Variants in CAMKMT observed in about 807,000 individuals in gnomAD.
CAMKMT encodes the protein calmodulin-lysine N-methyltransferase, also known as CaM KMT.
Under a neutral mutation model 48.0 loss-of-function variants are expected in CAMKMT, and 53 were observed. That is an observed-to-expected ratio of 1.10 (90% CI 0.89 to 1.39). CAMKMT has a LOEUF of 1.39. Among genes scored for constraint, CAMKMT ranks in the 40% most tolerant of loss-of-function variants. CAMKMT has a pLI of 0.00. For missense variants in CAMKMT, 428 were observed against 402.7 expected, an observed-to-expected ratio of 1.06 and a Z score of -0.54; for synonymous variants, 165 against 152.3, an observed-to-expected ratio of 1.08 and a Z score of -0.61.
rs570966406 is a variant in CAMKMT at position 44,451,667 on chromosome 2, C to G, written c.376+61362C>G. Among the ~76,000 whole-genome samples, 3 of 151,930 alleles carry G rather than the reference C, an allele frequency of 2.0e-5. No individual in the cohort carries two copies. The South Asian group carries it at 6.2e-4, about 32-fold the overall frequency. On this transcript the variant is annotated intron_variant, in intron 3 of 10. Transcript: ENST00000378494. The stretch of plus-strand genomic sequence containing the variant: ...ATCCTCTTTTTGCTATTCTTTATTT[C>G]ATTTATTCTTGTGAAATATGTTTAC...
chr2:44,591,323 G>C (rs1394598895), intron 3 of CAMKMT, among the ~76,000 whole-genome samples: 2 of 152,248 alleles, frequency 1.3e-5, no homozygotes, highest in East Asian at 1.9e-4. Context: ...GGTTGGCATT[G>C]AATCTATAAA....
intron 3 of CAMKMT, among the ~76,000 whole-genome samples, chr2:44,447,776 G>C (rs1381731171): frequency 6.6e-6 from 1 of 152,164 alleles, no homozygotes; most frequent in Non-Finnish European, 1.5e-5. Flanking sequence ...GGTAGGGGCA[G>C]CAAATATTTT....
chr2:44,767,837 TC>T (rs1485002795), intron 10 of CAMKMT, among the ~76,000 whole-genome samples: 1 of 152,132 alleles, frequency 6.6e-6, no homozygotes, highest in African/African-American at 2.4e-5. Context: ...CTCTCCAGGG[TC>T]GGGCTGGAAC....
rs536472993 is a variant in CAMKMT, at chr2:44,758,691, G to A, written c.762+4573G>A. 7.9e-4 allele frequency among the ~76,000 whole-genome samples: 121 copies of A among 152,286 alleles called. 1 individual carries two copies. Among genetic ancestry groups the A allele is most frequent in the African/African-American group, 2.9e-3 (119 of 41,548 alleles). ...CACTTTTCCCTCTGGTGAGTGGCTT[G>A]TTGTTGCTGATGATTGATAGGGTGA... On this transcript the variant is annotated intron_variant, in intron 9 of 10. Coordinates refer to ENST00000378494, the MANE Select transcript of CAMKMT (RefSeq NM_024766.5).
intron 3 of CAMKMT, among the ~76,000 whole-genome samples, chr2:44,691,865 G>T (rs929589312): frequency 6.6e-6 from 1 of 152,104 alleles, no homozygotes; most frequent in Non-Finnish European, 1.5e-5. Context: ...CACAGGGCAG[G>T]CCTCCACCTG....
chr2:44,587,729 C>G (rs1422486812), intron 3 of CAMKMT, among the ~76,000 whole-genome samples: 3 of 133,268 alleles, frequency 2.3e-5, no homozygotes, highest in Admixed American at 7.9e-5. Flanking sequence ...ATCCGCCAGC[C>G]TCGGCCTCCC....
chr2:44,565,881 A>G (rs944122701), intron 3 of CAMKMT, among the ~76,000 whole-genome samples: 13 of 152,164 alleles, frequency 8.5e-5, no homozygotes, highest in African/African-American at 3.1e-4. Context: ...TGATGATGCT[A>G]TTTCAGATCT....
intron 3 of CAMKMT, among the ~76,000 whole-genome samples, chr2:44,637,862 T>G (rs1174194024): frequency 2.6e-5 from 4 of 151,876 alleles, no homozygotes; most frequent in Admixed American, 6.6e-5. Flanking sequence ...GTCAAATGAT[T>G]GAGACCATCC....
At chr2:44,421,167 G>A (rs1683912738) in intron 3 of CAMKMT, among the ~76,000 whole-genome samples, 1 of 152,058 alleles carries the variant, frequency 6.6e-6, no homozygotes, top group Non-Finnish European at 1.5e-5. Context: ...TAAGAGACTT[G>A]ACTAATGTCT....
At chr2:44,757,308 C>T (rs1241170455) in intron 9 of CAMKMT, among the ~76,000 whole-genome samples, 1 of 152,176 alleles carries the variant, frequency 6.6e-6, no homozygotes, top group African/African-American at 2.4e-5. Context: ...AGGGAGTTCA[C>T]CTGTGCTCTC....
At chr2:44,491,563 A>T (rs573074882) in intron 3 of CAMKMT, among the ~76,000 whole-genome samples, 1 of 152,360 alleles carries the variant, frequency 6.6e-6, no homozygotes, top group Admixed American at 6.5e-5. Context: ...CTCTTTGTAC[A>T]AAGGCAATTT....
At chr2:44,541,863 C>T (rs1667126465) in intron 3 of CAMKMT, among the ~76,000 whole-genome samples, 1 of 151,954 alleles carries the variant, frequency 6.6e-6, no homozygotes, top group African/African-American at 2.4e-5. Context: ...GGCACGATGG[C>T]TCACGCCTAT....
At chr2:44,507,212 G>A (rs943157870) in intron 3 of CAMKMT, among the ~76,000 whole-genome samples, 1 of 152,134 alleles carries the variant, frequency 6.6e-6, no homozygotes, top group African/African-American at 2.4e-5. Flanking sequence ...TCTATAGCAA[G>A]TCTGTTAGAA....
chr2:44,596,344 G>T (rs1454330832), intron 3 of CAMKMT, among the ~76,000 whole-genome samples: 1 of 152,016 alleles, frequency 6.6e-6, no homozygotes, highest in Non-Finnish European at 1.5e-5. Flanking sequence ...AGCTACTTGG[G>T]AGGCTGAGAT....
chr2:44,608,226 C>T (rs1371785966), intron 3 of CAMKMT, among the ~76,000 whole-genome samples: 29 of 151,926 alleles, frequency 1.9e-4, no homozygotes, highest in Admixed American at 1.9e-3. Context: ...GCACCCACCA[C>T]CGCGCCTGGC....
chr2:44,675,016 T>G (rs2104148101), intron 3 of CAMKMT, among the ~76,000 whole-genome samples: 1 of 151,624 alleles, frequency 6.6e-6, no homozygotes, highest in South Asian at 2.1e-4. Flanking sequence ...ATCTTTTACC[T>G]CTCACTCTCC....
chr2:44,688,500 A>G (rs966770789), intron 3 of CAMKMT, among the ~76,000 whole-genome samples: 5 of 148,378 alleles, frequency 3.4e-5, no homozygotes, highest in Non-Finnish European at 7.5e-5. Flanking sequence ...ACACATACAT[A>G]TATATACATA....
In CAMKMT at chr2:44,638,782, A is replaced by T. The variant is rs1243488053; in HGVS notation, c.377-65501A>T. Among the ~76,000 whole-genome samples, 3 of 152,196 alleles carry T rather than the reference A, an allele frequency of 2.0e-5. No homozygotes were observed. The South Asian group carries it at 6.2e-4, about 31-fold the overall frequency. ...GGCATGCACCGTTCTTTCAGATACCATCTGATTAATTGCCTCTGACATTCC... is the reference window on the plus strand; with the variant it reads ...GGCATGCACCGTTCTTTCAGATACCTTCTGATTAATTGCCTCTGACATTCC... On this transcript the variant is annotated intron_variant, in intron 3 of 10. Coordinates refer to ENST00000378494, the MANE Select transcript of CAMKMT (RefSeq NM_024766.5).
At chr2:44,558,026 TATTTATTTATTC>T (rs1039658593) in intron 3 of CAMKMT, among the ~76,000 whole-genome samples, 8 of 135,436 alleles carry the variant, frequency 5.9e-5, no homozygotes, top group African/African-American at 2.4e-4. Flanking sequence ...GAGTTTTATT[TATTTATTTATTC>T]ATTCATTCAT....
Sources: allele counts gnomAD v4.1 joint callset (sites outside exome capture counted in the v4.1 genomes callset), GRCh38; gene constraint gnomAD v4.1.1; transcripts MANE v1.5; gene names NCBI Gene and HGNC (gene_info 2026-07-23, HGNC 2026-07-21).